SLC40A1: variants seen among roughly 807,000 people sequenced by gnomAD.
SLC40A1 encodes ferroportin.
In SLC40A1, 16 loss-of-function variants were observed where a neutral mutation model predicts 53.5. That is an observed-to-expected ratio of 0.30 (90% CI 0.20 to 0.45). The LOEUF is 0.45. Ranked by LOEUF, SLC40A1 falls within the 20% of genes least tolerant of loss-of-function variation. The pLI is 1.00. For synonymous variants in SLC40A1, 247 were observed against 253.2 expected (o/e 0.98, Z 0.23); for missense variants, 545 against 695.4 (o/e 0.78, Z 2.43).
chr2:189,567,291 A>G (rs966738773), intron 5 of SLC40A1, among the ~76,000 whole-genome samples: 2 of 152,180 alleles, frequency 1.3e-5, no homozygotes, highest in African/African-American at 4.8e-5. Flanking sequence ...TTTAGTGGTG[A>G]TAACAAAGTC....
At chr2:189,562,454 A>G (rs1490038926) in intron 7 of SLC40A1, among the ~76,000 whole-genome samples, 1 of 152,224 alleles carries the variant, frequency 6.6e-6, no homozygotes, top group Admixed American at 6.5e-5. Context: ...TTTTTCTGTG[A>G]TTATTCATAC....
chr2:189,564,406 G>A (rs1368209258), intron 6 of SLC40A1, among the ~76,000 whole-genome samples, 181 bp from the exon 7 acceptor site: 4 of 151,950 alleles, frequency 2.6e-5, no homozygotes, highest in African/African-American at 9.7e-5. Flanking sequence ...ATCATCAAGT[G>A]TCATTTTTAT....
chr2:189,580,755 C>A lies in SLC40A1; in HGVS notation c.-295G>T. On this transcript the variant is annotated 5_prime_UTR_variant, in exon 1 of 8. It adds an upstream start codon to the 5' untranslated region. Coordinates refer to ENST00000261024, the MANE Select transcript of SLC40A1 (RefSeq NM_014585.6). ...AGGTCGTCCGAGCCTAGCGGACGCC[C>A]TGAGCCAGCTCTCTCCGCCGCCGCC... The A allele has an allele frequency of 7.5e-7, 1 of 1,326,592 alleles. No individual in the cohort carries two copies. Among genetic ancestry groups the A allele is most frequent in the Non-Finnish European group, 9.7e-7 (1 of 1,036,126 alleles). 82.2% of individuals were successfully genotyped at this position (1,326,592 alleles called of 1,614,324 possible). A position where few individuals can be genotyped will look rare whatever the true frequency, so the allele number is the denominator to read the frequency against.
chr2:189,580,706 T>C lies in SLC40A1; in HGVS notation c.-246A>G. 1.4e-6 allele frequency: 2 copies of C among 1,425,326 alleles called. No homozygotes were observed. The highest frequency in any genetic ancestry group is 2.8e-5 in the East Asian group (1 of 35,972). 88.3% of individuals were successfully genotyped at this position (1,425,326 alleles called of 1,614,324 possible). A position where few individuals can be genotyped will look rare whatever the true frequency, so the allele number is the denominator to read the frequency against. On this transcript the variant is annotated 5_prime_UTR_variant, in exon 1 of 8. Coordinates refer to ENST00000261024, the MANE Select transcript of SLC40A1 (RefSeq NM_014585.6). ...CTGAAGTTGGAAAGGCAAAGCCTTA[T>C]GGAAGCGGTTTGGGAGGCTCAGCAG...
rs760236238 is a variant in SLC40A1, at chr2:189,565,419, G to C, written c.695C>G (p.Ala232Gly). 6.2e-7 allele frequency: 1 copy of C among 1,614,234 alleles called. No homozygotes were observed. The highest frequency in any genetic ancestry group is 8.5e-7 in the Non-Finnish European group (1 of 1,180,038). ...LLWKVYQKTP[A>G]LAVKAGLKEE... ...TTTAAGACCAGCTTTCACAGCTAGA[G>C]CTGGGGTTTTCTGGTAAACCTTCCA... Residue 232 changes from alanine to glycine, a missense_variant, in exon 6 of 8, where the codon GCT (alanine) becomes GGT (glycine). Coordinates refer to ENST00000261024, the MANE Select transcript of SLC40A1 (RefSeq NM_014585.6).
intron 6 of SLC40A1, among the ~76,000 whole-genome samples, chr2:189,565,064 G>C (rs1489567292): frequency 1.3e-5 from 2 of 151,854 alleles, no homozygotes; most frequent in Non-Finnish European, 2.9e-5. Flanking sequence ...CCAGTCCTAT[G>C]ACTTAGCTTT....
At position 189,572,384 on chromosome 2, in the gene SLC40A1, G is replaced by A. The variant is rs1202809663; in HGVS notation, c.387+462C>T. On this transcript the variant is annotated intron_variant, in intron 4 of 7. Coordinates refer to ENST00000261024, the MANE Select transcript of SLC40A1 (RefSeq NM_014585.6). ...AGATTCAATATGACACCAGATGCAT[G>A]GTTTATACCACACCCCATCCCTCTC... is the stretch of plus-strand genomic sequence containing the variant. 2.6e-5 allele frequency: 6 copies of A among 235,170 alleles called. No homozygotes were observed. In the South Asian group the frequency reaches 2.8e-4, roughly 11 times the overall value. The allele number at this position is 235,170 out of a possible 1,614,324, so 14.6% of individuals were successfully genotyped here. A position where few individuals can be genotyped will look rare whatever the true frequency, so the allele number is the denominator to read the frequency against.
chr2:189,567,974 C>T (rs2030989899), intron 5 of SLC40A1, among the ~76,000 whole-genome samples: 1 of 152,144 alleles, frequency 6.6e-6, no homozygotes, highest in African/African-American at 2.4e-5. Flanking sequence ...ATATTTGAAT[C>T]TTAAAGTCCC....
intron 2 of SLC40A1, among the ~76,000 whole-genome samples, 180 bp from the exon 3 acceptor site, chr2:189,575,500 G>A (rs1417806282): frequency 6.6e-6 from 1 of 152,166 alleles, no homozygotes; most frequent in Non-Finnish European, 1.5e-5. Flanking sequence ...CAGCACAATG[G>A]AAAATATTCT....
In SLC40A1 at chr2:189,564,153, T is replaced by C; in HGVS notation, c.833A>G (p.His278Arg). ...GGAGGCACAAGTAGGCTCTTGCTCA[T>C]GTTCAAGCTCATGGATGTTAGAGTC... The part of the protein sequence containing the change: ...VKDSNIHELE[H>R]EQEPTCASQM... The change falls in exon 7 of 8, where the codon CAT becomes CGT. Residue 278 changes from histidine (H) to arginine (R), a missense_variant. Transcript: ENST00000261024. 3 of 1,613,098 alleles carry C rather than the reference T, an allele frequency of 1.9e-6. No individual in the cohort carries two copies. Among genetic ancestry groups the C allele is most frequent in the Non-Finnish European group, 1.7e-6 (2 of 1,179,706 alleles).
chr2:189,579,973 G>T, intron 1 of SLC40A1, 93 bp from the exon 2 acceptor site: 1 of 1,291,902 alleles, frequency 7.7e-7, no homozygotes, highest in Non-Finnish European at 1.1e-6. Context: ...ATTAGAACAT[G>T]ATTATTAAAA....
rs754108561 is a variant in SLC40A1, at chr2:189,572,835, T to C, written c.387+11A>G. 4 of 1,563,942 alleles carry C rather than the reference T, an allele frequency of 2.6e-6. No individual in the cohort carries two copies. Among genetic ancestry groups the C allele is most frequent in the South Asian group, 2.2e-5 (2 of 90,118 alleles). On this transcript the variant is annotated intron_variant, in intron 4 of 7. Coordinates refer to ENST00000261024, the MANE Select transcript of SLC40A1 (RefSeq NM_014585.6). ...AATTTTCTGCCATCAAGAATCTCAT[T>C]GAGAACTTACGAGAACCCATCCATG... is the stretch of plus-strand genomic sequence containing the variant.
Position 189,561,770 on chromosome 2 carries a change from T to A in SLC40A1, c.*108A>T, listed in dbSNP as rs1214478628. ...GCTTTTAGTTCTCAAGGCACAGCTG[T>A]GGTAAAAACAGAGCAAAACACCCAG... On this transcript the variant is annotated 3_prime_UTR_variant, in exon 8 of 8. Coordinates refer to ENST00000261024, the MANE Select transcript of SLC40A1 (RefSeq NM_014585.6). 5.3e-6 allele frequency: 5 copies of A among 937,164 alleles called. No individual in the cohort carries two copies. In the African/African-American group the frequency reaches 6.5e-5, roughly 12 times the overall value. The allele number at this position is 937,164 out of a possible 1,614,324, so 58.1% of individuals were successfully genotyped here. A position where few individuals can be genotyped will look rare whatever the true frequency, so the allele number is the denominator to read the frequency against.
chr2:189,564,154 G>A lies in SLC40A1; in HGVS notation c.832C>T (p.His278Tyr). The A allele has an allele frequency of 6.2e-7, 1 of 1,613,192 alleles. No individual in the cohort carries two copies. The highest frequency in any genetic ancestry group is 1.1e-5 in the South Asian group (1 of 90,820). Residue 278 changes from histidine (H) to tyrosine (Y), a missense_variant, in exon 7 of 8, where the codon CAT (histidine) becomes TAT (tyrosine). By Grantham distance (83) the His-to-Tyr change is moderately conservative. Transcript: ENST00000261024. ...VKDSNIHELEHEQEPTCASQM... is the reference protein window; with the variant it reads ...VKDSNIHELEYEQEPTCASQM... ...GAGGCACAAGTAGGCTCTTGCTCATGTTCAAGCTCATGGATGTTAGAGTCT... is the reference window on the plus strand; with the variant it reads ...GAGGCACAAGTAGGCTCTTGCTCATATTCAAGCTCATGGATGTTAGAGTCT...
intron 4 of SLC40A1, 73 bp downstream of exon 4, chr2:189,572,773 T>C: frequency 9.1e-7 from 1 of 1,102,080 alleles, no homozygotes; most frequent in Non-Finnish European, 1.4e-6. Flanking sequence ...AAAAATAGCT[T>C]CAAAGCATTT....
Position 189,565,577 on chromosome 2 carries a change from C to T in SLC40A1, c.537G>A (p.Arg179=). 2.5e-6 allele frequency: 4 copies of T among 1,614,210 alleles called. 1 individual carries two copies. The South Asian group carries it at 4.4e-5, about 18-fold the overall frequency. The change falls in exon 6 of 8, where the codon AGG becomes AGA. Residue 179 remains arginine (R), a synonymous_variant. Coordinates refer to ENST00000261024, the MANE Select transcript of SLC40A1 (RefSeq NM_014585.6). The part of the protein sequence containing the change: ...KLANMNATIR[R]IDQLTNILAP... ...CTAAGATGTTGGTTAACTGGTCAATCCTTCGTATTGTGGCATTCATATCTA... is the reference window on the plus strand; with the variant it reads ...CTAAGATGTTGGTTAACTGGTCAATTCTTCGTATTGTGGCATTCATATCTA...
chr2:189,564,009 C>T lies in SLC40A1; in HGVS notation c.977G>A (p.Cys326Tyr), dbSNP rs1227198230. 6.2e-7 allele frequency: 1 copy of T among 1,613,928 alleles called. No homozygotes were observed. Among genetic ancestry groups the T allele is most frequent in the Admixed American group, 1.7e-5 (1 of 59,994 alleles). ...FLYMTVLGFD[C>Y]ITTGYAYTQG... The stretch of plus-strand genomic sequence containing the variant: ...AGTGTAGGCGTACCCTGTGGTGATG[C>T]AGTCAAAGCCCAGGACAGTCATATA... Residue 326 changes from cysteine to tyrosine, a missense_variant, in exon 7 of 8, where the codon TGC becomes TAC. Transcript: ENST00000261024.
rs535193686 is a variant in SLC40A1 at position 189,572,885 on chromosome 2, A to T, written c.348T>A (p.His116Gln). 1 of 1,613,994 alleles carries T rather than the reference A, an allele frequency of 6.2e-7. No individual in the cohort carries two copies. The highest frequency in any genetic ancestry group is 1.3e-5 in the African/African-American group (1 of 75,050). The change falls in exon 4 of 8, where the codon CAT becomes CAA. Residue 116 changes from histidine to glutamine, a missense_variant. Physicochemically the swap from His to Gln is conservative, Grantham distance 24. Coordinates refer to ENST00000261024, the MANE Select transcript of SLC40A1 (RefSeq NM_014585.6). ...CGIILMMVFLHKHELLTMYHG... is the reference protein window; with the variant it reads ...CGIILMMVFLQKHELLTMYHG... ...GGTACATGGTCAGAAGCTCATGTTTATGTAAGAAAACCATCATCAGGATGA... is the reference window on the plus strand; with the variant it reads ...GGTACATGGTCAGAAGCTCATGTTTTTGTAAGAAAACCATCATCAGGATGA...
At chr2:189,573,396 A>C (rs1189939963) in intron 3 of SLC40A1, among the ~76,000 whole-genome samples, 1 of 152,244 alleles carries the variant, frequency 6.6e-6, no homozygotes, top group Non-Finnish European at 1.5e-5. Flanking sequence ...GAATCTGATA[A>C]TATGGTTTAC....
Sources: gnomAD v4.1 joint callset for allele counts (sites outside exome capture counted in the v4.1 genomes callset) on GRCh38, gnomAD v4.1.1 for gene constraint, MANE v1.5 for transcripts, NCBI Gene and HGNC (gene_info 2026-07-23, HGNC 2026-07-21) for gene names.